The following PSME4 variants were observed in gnomAD, a reference collection of about 807,000 sequenced individuals.
The protein encoded by PSME4 is proteasome activator subunit 4, also known as proteasome activator complex subunit 4.
A neutral mutation model predicts 253.9 loss-of-function variants in PSME4; 89 were observed. The ratio of observed to expected loss-of-function variants is 0.35; its 90% confidence interval spans 0.30 to 0.42. The LOEUF is 0.42. Ranked by LOEUF, PSME4 falls within the 10% of genes least tolerant of loss-of-function variation. The pLI is 1.00. For synonymous variants in PSME4, 851 were observed against 759.2 expected, an observed-to-expected ratio of 1.12 and a Z score of -1.99; for missense variants, 2,014 against 2,195.2, an observed-to-expected ratio of 0.92 and a Z score of 1.65.
intron 44 of PSME4, among the ~76,000 whole-genome samples, chr2:53,868,919 G>T (rs550822582): frequency 8.6e-5 from 13 of 151,838 alleles, no homozygotes; most frequent in African/African-American, 2.9e-4. Context: ...AATTAGATTG[G>T]AAGCTCCTGC....
In PSME4 at chr2:53,958,434, T is replaced by C. The variant is rs541894528; in HGVS notation, c.243-9151A>G. Among the ~76,000 whole-genome samples the C allele has an allele frequency of 1.2e-4, 18 of 152,198 alleles. 1 individual carries two copies. The highest frequency in any genetic ancestry group is 2.6e-4 in the African/African-American group (11 of 41,554). On this transcript the variant is annotated intron_variant, in intron 1 of 46. Coordinates refer to ENST00000404125, the MANE Select transcript of PSME4 (RefSeq NM_014614.3). ...AAAAACCTCACTTATTTTTAACACA[T>C]AGACATCATTCTGTCCAATCTGATT... is the stretch of plus-strand genomic sequence containing the variant.
intron 3 of PSME4, chr2:53,942,296 T>G (rs544529487): frequency 6.6e-6 from 1 of 152,552 alleles, no homozygotes; most frequent in Admixed American, 6.5e-5. Flanking sequence ...TTAGAGGGAG[T>G]GAATAATCAC....
chr2:53,888,809 T>C lies in PSME4; in HGVS notation c.4300A>G (p.Ser1434Gly), dbSNP rs1358581897. ...CAGTGAAGTTTCCGGGGATCTCTGC[T>C]TTCCTGTGTTTAAAATATGATGTAA... ...WGACIATSCE[S>G]RDPRKLHWLF... is the part of the protein sequence containing the mutation. Residue 1434 changes from serine to glycine, a missense_variant, in exon 38 of 47, where the codon AGC becomes GGC. Ser to Gly is a moderately conservative substitution (Grantham distance 56). Transcript: ENST00000404125. The C allele has an allele frequency of 4.4e-6, 7 of 1,607,136 alleles. No homozygotes were observed. The highest frequency in any genetic ancestry group is 5.1e-6 in the Non-Finnish European group (6 of 1,174,244).
intron 1 of PSME4, among the ~76,000 whole-genome samples, chr2:53,970,027 C>G (rs1341529062): frequency 6.6e-6 from 1 of 152,154 alleles, no homozygotes; most frequent in Non-Finnish European, 1.5e-5. Context: ...AAGCAAAACC[C>G]TTAAGTTTCC....
chr2:53,964,978 C>T (rs919580691), intron 1 of PSME4, among the ~76,000 whole-genome samples: 8 of 152,134 alleles, frequency 5.3e-5, no homozygotes, highest in African/African-American at 1.9e-4. Context: ...AATATAGTCA[C>T]TTAATCATAA....
chr2:53,916,840 T>G (rs1262307031), intron 20 of PSME4, among the ~76,000 whole-genome samples: 4 of 152,088 alleles, frequency 2.6e-5, no homozygotes, highest in Non-Finnish European at 5.9e-5. Flanking sequence ...AGTTATAAAT[T>G]AAATACAATT....
At chr2:53,953,648 G>A (rs1334420228) in intron 1 of PSME4, among the ~76,000 whole-genome samples, 1 of 150,838 alleles carries the variant, frequency 6.6e-6, no homozygotes, top group African/African-American at 2.4e-5. Context: ...TGGAGTGCTA[G>A]AGTGCAGACT....
intron 3 of PSME4, among the ~76,000 whole-genome samples, chr2:53,940,940 A>ATACATATTTAAATATAT (rs1558413493): frequency 4.1e-4 from 21 of 51,302 alleles, no homozygotes; most frequent in Non-Finnish European, 5.9e-4. Flanking sequence ...TACATATATA[A>ATACATATTTAAATATAT]ATATATATAT....
At chr2:53,888,492 C>A (rs1360384310) in intron 38 of PSME4, among the ~76,000 whole-genome samples, 1 of 152,214 alleles carries the variant, frequency 6.6e-6, no homozygotes, top group East Asian at 1.9e-4. Flanking sequence ...AATGCTGACT[C>A]TAATTTGTGT....
chr2:53,956,691 G>C (rs1229560708), intron 1 of PSME4, among the ~76,000 whole-genome samples: 1 of 151,696 alleles, frequency 6.6e-6, no homozygotes, highest in Non-Finnish European at 1.5e-5. Flanking sequence ...TCCTGCCTCA[G>C]TCTCCCAAGT....
At position 53,920,980 on chromosome 2, in the gene PSME4, A is replaced by T; in HGVS notation, c.2171T>A (p.Leu724His). 1.2e-6 allele frequency: 2 copies of T among 1,614,120 alleles called. No individual in the cohort carries two copies. The highest frequency in any genetic ancestry group is 2.2e-5 in the South Asian group (2 of 91,084). The change falls in exon 18 of 47, where the codon CTT becomes CAT. Residue 724 changes from leucine (L) to histidine (H), a missense_variant. Transcript: ENST00000404125. ...YTLSCNLLHH[L>H]LRSTTLIYPT... Reference sequence around the variant, plus strand: ...GTAGATAAGTGTGGTAGAACGGAGAAGATGATGCAAAAGGTTACAAGACAG... The same window carrying T: ...GTAGATAAGTGTGGTAGAACGGAGATGATGATGCAAAAGGTTACAAGACAG...
At chr2:53,941,481 C>G (rs1229616373) in intron 3 of PSME4, among the ~76,000 whole-genome samples, 2 of 151,786 alleles carry the variant, frequency 1.3e-5, no homozygotes, top group Admixed American at 1.3e-4. Context: ...TTAAAGCTCC[C>G]TGAAGACCAC....
intron 1 of PSME4, among the ~76,000 whole-genome samples, chr2:53,969,490 C>A (rs1025545457): frequency 1.7e-4 from 26 of 152,120 alleles, no homozygotes; most frequent in Admixed American, 1.6e-3. Context: ...TTTGGGTAAA[C>A]ACTGAATGAG....
At chr2:53,923,477 G>C in intron 14 of PSME4, 58 bp from the exon 15 acceptor site, 2 of 1,475,160 alleles carry the variant, frequency 1.4e-6, no homozygotes, top group South Asian at 2.8e-5. Context: ...ACATCTTACA[G>C]AACATAAAAG....
intron 1 of PSME4, among the ~76,000 whole-genome samples, chr2:53,963,275 G>T (rs533355795): frequency 6.6e-6 from 1 of 151,952 alleles, no homozygotes; most frequent in South Asian, 2.1e-4. Context: ...AAAACAGGGG[G>T]GTATGATTGC....
intron 32 of PSME4, among the ~76,000 whole-genome samples, chr2:53,896,412 C>A (rs1680139633): frequency 6.6e-6 from 1 of 151,974 alleles, no homozygotes; most frequent in Admixed American, 6.6e-5. Context: ...GGATTGGAGA[C>A]CAGAAAAAAA....
chr2:53,957,918 T>C (rs1251581722), intron 1 of PSME4, among the ~76,000 whole-genome samples: 2 of 152,076 alleles, frequency 1.3e-5, no homozygotes, highest in Non-Finnish European at 1.5e-5. Context: ...CACTTTTCAA[T>C]CTCCTGTGGA....
chr2:53,970,352 C>T (rs538572372), intron 1 of PSME4, among the ~76,000 whole-genome samples, 191 bp downstream of exon 1: 1 of 152,302 alleles, frequency 6.6e-6, no homozygotes, highest in South Asian at 2.1e-4. Flanking sequence ...CGGGAAGTCC[C>T]GTAGGAAAGT....
chr2:53,953,040 G>C (rs1218736195), intron 1 of PSME4, among the ~76,000 whole-genome samples: 2 of 152,114 alleles, frequency 1.3e-5, no homozygotes, highest in African/African-American at 4.8e-5. Context: ...GACCAACAGG[G>C]GGATTCCTGG....
Sources: allele counts gnomAD v4.1 joint callset (sites outside exome capture counted in the v4.1 genomes callset), GRCh38; gene constraint gnomAD v4.1.1; transcripts MANE v1.5; gene names NCBI Gene and HGNC (gene_info 2026-07-23, HGNC 2026-07-21).